The following GCLC variants were observed in gnomAD, a reference collection of about 807,000 sequenced individuals.
GCLC encodes glutamate--cysteine ligase catalytic subunit.
In GCLC, 30 loss-of-function variants were observed where a neutral mutation model predicts 81.5. The ratio of observed to expected loss-of-function variants is 0.37; its 90% CI spans 0.28 to 0.50. GCLC has a LOEUF of 0.50. Ranked by LOEUF, GCLC falls within the 20% of genes least tolerant of loss-of-function variation. The pLI is 0.96. For synonymous variants in GCLC, 262 were observed against 273.3 expected (o/e 0.96, Z 0.41); for missense variants, 556 against 777.4 (o/e 0.72, Z 3.39).
In GCLC at chr6:53,514,329, C is replaced by T. The variant is rs1228989347; in HGVS notation, c.628G>A (p.Asp210Asn). Residue 210 changes from aspartate (D) to asparagine (N), a missense_variant, in exon 6 of 16, where the codon GAC becomes AAC. By Grantham distance (23) the Asp-to-Asn change is conservative. Coordinates refer to ENST00000650454, the MANE Select transcript of GCLC (RefSeq NM_001498.4). ...KVVINVPIFK[D>N]KNTPSPFIET... ...ATAAATGGAGATGGTGTATTCTTGT[C>T]CTTAAATACTGTATTATAAAAATAC... The T allele has an allele frequency of 1.3e-6, 2 of 1,592,572 alleles. No homozygotes were observed. The highest frequency in any genetic ancestry group is 1.7e-5 in the Admixed American group (1 of 59,990).
At chr6:53,535,977 A>G (rs1043773409) in intron 1 of GCLC, among the ~76,000 whole-genome samples, 2 of 152,236 alleles carry the variant, frequency 1.3e-5, no homozygotes, top group African/African-American at 4.8e-5. Flanking sequence ...TAGTCCATAC[A>G]TACAAACTTG....
intron 4 of GCLC, among the ~76,000 whole-genome samples, chr6:53,514,838 C>T (rs1230825190): frequency 6.6e-6 from 1 of 152,200 alleles, no homozygotes; most frequent in East Asian, 1.9e-4. Context: ...CAAATTAACT[C>T]CAAAGACTTT....
intron 12 of GCLC, among the ~76,000 whole-genome samples, chr6:53,504,671 C>T (rs999950841): frequency 6.6e-6 from 1 of 152,086 alleles, no homozygotes; most frequent in Non-Finnish European, 1.5e-5. Context: ...GTCTGGCAAA[C>T]CCCTCATGGA....
chr6:53,542,933 C>G (rs1314366211), intron 1 of GCLC, among the ~76,000 whole-genome samples: 1 of 151,512 alleles, frequency 6.6e-6, no homozygotes, highest in Non-Finnish European at 1.5e-5. Flanking sequence ...TGCTTGAACC[C>G]GGGAGGCTGA....
intron 6 of GCLC, 192 bp from the exon 7 acceptor site, chr6:53,509,442 T>C: frequency 3.1e-6 from 2 of 636,412 alleles, no homozygotes; most frequent in Non-Finnish European, 5.6e-6. Flanking sequence ...TATTTAATTA[T>C]GTTCCACTGC....
Position 53,506,342 on chromosome 6 carries a change from A to G in GCLC, c.1198-447T>C. 3.9e-6 allele frequency: 1 copy of G among 254,676 alleles called. No homozygotes were observed. Among genetic ancestry groups the G allele is most frequent in the South Asian group, 4.9e-5 (1 of 20,418 alleles). 15.8% of individuals were successfully genotyped at this position (254,676 alleles called of 1,614,324 possible). A position where few individuals can be genotyped will look rare whatever the true frequency, so the allele number is the denominator to read the frequency against. ...GATGACCCAAGAGCCTAAGAAGGGT[A>G]GCTGTTTCTCAATACACTGAGAGAG... On this transcript the variant is annotated intron_variant, in intron 10 of 15. Coordinates refer to ENST00000650454, the MANE Select transcript of GCLC (RefSeq NM_001498.4). The surrounding 1 kb of genome is among the most constrained non-coding windows in gnomAD (Gnocchi z 4.0).
At chr6:53,529,398 A>G (rs1245103954) in intron 1 of GCLC, among the ~76,000 whole-genome samples, 2 of 152,226 alleles carry the variant, frequency 1.3e-5, no homozygotes, top group African/African-American at 2.4e-5. Flanking sequence ...TATAAAGACC[A>G]TTAAGGCATT....
intron 3 of GCLC, among the ~76,000 whole-genome samples, chr6:53,517,115 C>G (rs1446723003): frequency 8.1e-6 from 1 of 123,734 alleles, no homozygotes; most frequent in Non-Finnish European, 1.6e-5. Context: ...GAGAAAGGGT[C>G]TTGCTCTGTC....
rs1006088041 is a variant in GCLC at position 53,506,505 on chromosome 6, A to G, written c.1197+408T>C. On this transcript the variant is annotated intron_variant, in intron 10 of 15. Coordinates refer to ENST00000650454, the MANE Select transcript of GCLC (RefSeq NM_001498.4). The surrounding 1 kb of genome is among the most constrained non-coding windows in gnomAD (Gnocchi z 4.0). The stretch of plus-strand genomic sequence containing the variant: ...AAGGTATATATGTCAATGTCTACAT[A>G]TAACATGACACAGAAATAAATCTAT... The G allele has an allele frequency of 4.0e-6, 1 of 248,244 alleles. No individual in the cohort carries two copies. The highest frequency in any genetic ancestry group is 4.8e-5 in the South Asian group (1 of 20,738). 15.4% of individuals were successfully genotyped at this position (248,244 alleles called of 1,614,324 possible). A position where few individuals can be genotyped will look rare whatever the true frequency, so the allele number is the denominator to read the frequency against.
intron 13 of GCLC, 24 bp downstream of exon 13, chr6:53,500,408 T>C (rs1764488164): frequency 6.2e-7 from 1 of 1,603,316 alleles, no homozygotes; most frequent in East Asian, 2.2e-5. Flanking sequence ...AAGCTGACAT[T>C]AGAAATCTAA....
chr6:53,539,915 C>T (rs954831971), intron 1 of GCLC, among the ~76,000 whole-genome samples: 28 of 152,196 alleles, frequency 1.8e-4, no homozygotes, highest in Admixed American at 1.6e-3. Flanking sequence ...AGAATGTGTA[C>T]CAGTGAGCTC....
intron 8 of GCLC, 142 bp from the exon 9 acceptor site, chr6:53,507,760 TTA>T: frequency 2.4e-6 from 1 of 412,796 alleles, no homozygotes; most frequent in Non-Finnish European, 4.2e-6. Context: ...TTAAGGAAAA[TTA>T]TGTTTTTTAA....
At position 53,514,350 on chromosome 6, in the gene GCLC, A is replaced by G. The variant is rs1018235557; in HGVS notation, c.620-13T>C. The G allele has an allele frequency of 6.3e-7, 1 of 1,589,602 alleles. No homozygotes were observed. The highest frequency in any genetic ancestry group is 8.6e-7 in the Non-Finnish European group (1 of 1,157,822). On this transcript the variant is annotated splice_polypyrimidine_tract_variant and intron_variant, in intron 5 of 15. Coordinates refer to ENST00000650454, the MANE Select transcript of GCLC (RefSeq NM_001498.4). Reference sequence around the variant, plus strand: ...TTGTCCTTAAATACTGTATTATAAAAATACAAAAATAAAAATGGTTTAGAA... The same window carrying G: ...TTGTCCTTAAATACTGTATTATAAAGATACAAAAATAAAAATGGTTTAGAA...
At chr6:53,520,071 T>C (rs1762961456) in intron 3 of GCLC, among the ~76,000 whole-genome samples, 2 of 152,246 alleles carry the variant, frequency 1.3e-5, no homozygotes, top group South Asian at 4.1e-4. Flanking sequence ...CTAGCATAGA[T>C]AAATCACATT....
chr6:53,544,846 T>TG lies in GCLC; in HGVS notation c.-202dup. 2.3e-6 allele frequency: 1 copy of TG among 441,470 alleles called. No individual in the cohort carries two copies. Among genetic ancestry groups the TG allele is most frequent in the South Asian group, 4.3e-5 (1 of 23,182 alleles). The allele number at this position is 441,470 out of a possible 1,614,324, so 27.3% of individuals were successfully genotyped here. On this transcript the variant is annotated 5_prime_UTR_variant, in exon 1 of 16. Transcript: ENST00000650454. ...CCCCTGGCGCCCAGGTGACAGACCCTGGGTCCGACGCACCGCGCGGAGGCG... is the reference window on the plus strand; with the variant it reads ...CCCCTGGCGCCCAGGTGACAGACCCTGGGGTCCGACGCACCGCGCGGAGGCG...
intron 1 of GCLC, among the ~76,000 whole-genome samples, chr6:53,538,836 T>C (rs1763303270): frequency 6.6e-6 from 1 of 152,210 alleles, no homozygotes; most frequent in Admixed American, 6.5e-5. Context: ...GTTACAAACT[T>C]AGAAGTAAAA....
At chr6:53,538,309 G>A (rs1763292592) in intron 1 of GCLC, among the ~76,000 whole-genome samples, 1 of 148,792 alleles carries the variant, frequency 6.7e-6, no homozygotes, top group Non-Finnish European at 1.5e-5. Flanking sequence ...AAGCCACCAT[G>A]CCTGGCAAGC....
chr6:53,523,214 C>A (rs1763028845), intron 1 of GCLC: 1 of 136,034 alleles, frequency 7.4e-6, no homozygotes, highest in Admixed American at 8.5e-5. Context: ...AGGACATAAA[C>A]ACAAAGTCAG....
intron 1 of GCLC, among the ~76,000 whole-genome samples, chr6:53,540,069 C>T (rs906863760): frequency 6.6e-6 from 1 of 152,174 alleles, no homozygotes; most frequent in Non-Finnish European, 1.5e-5. Flanking sequence ...AATGCACAAG[C>T]CTACCCTTCA....
Sources: allele counts gnomAD v4.1 joint callset (sites outside exome capture counted in the v4.1 genomes callset), GRCh38; gene constraint gnomAD v4.1.1; non-coding constraint Gnocchi (gnomAD v3.1); transcripts MANE v1.5; gene names NCBI Gene and HGNC (gene_info 2026-07-23, HGNC 2026-07-21).